SAMSN1: variants seen among roughly 807,000 people sequenced by gnomAD.
SAMSN1 encodes the protein SAM domain, SH3 domain and nuclear localization signals 1.
In SAMSN1, 31 loss-of-function variants were observed where a neutral mutation model predicts 42.0. The observed-to-expected ratio is 0.74, with a 90% CI of 0.55 to 1.00. SAMSN1 has a LOEUF of 1.00. Among genes scored for constraint, SAMSN1 ranks in the 50% least tolerant of loss-of-function variants. The pLI is 0.00. For missense variants in SAMSN1, 464 were observed against 439.4 expected (o/e 1.06, Z -0.50); for synonymous variants, 178 against 151.9 (o/e 1.17, Z -1.26).
chr21:14,598,384 G>A (rs1030669080), intron 6 of SAMSN1: 4 of 152,134 alleles, frequency 2.6e-5, no homozygotes, highest in Non-Finnish European at 5.9e-5. Context: ...TCAGCTGAAT[G>A]CTGCCAGAGA....
chr21:14,506,595 GC>G (rs1254759183), intron 5 of SAMSN1, among the ~76,000 whole-genome samples: 1 of 152,154 alleles, frequency 6.6e-6, no homozygotes, highest in Non-Finnish European at 1.5e-5. Flanking sequence ...CCTATTCACA[GC>G]AGCATTCTAC....
At chr21:14,512,187 T>C (rs1987712814) in intron 4 of SAMSN1, among the ~76,000 whole-genome samples, 1 of 152,254 alleles carries the variant, frequency 6.6e-6, no homozygotes, top group Admixed American at 6.5e-5. Context: ...AATCTCCTAA[T>C]ATGGCTTTTT....
At chr21:14,583,632 T>C (rs1289843312), upstream of SAMSN1, 1 of 716,510 alleles carries the variant, frequency 1.4e-6, no homozygotes, top group East Asian at 2.7e-5. Flanking sequence ...TTTAACAGCT[T>C]ATTGAGTTCT....
At chr21:14,515,837 T>A (rs926381220) in intron 3 of SAMSN1, among the ~76,000 whole-genome samples, 1 of 152,134 alleles carries the variant, frequency 6.6e-6, no homozygotes, top group African/African-American at 2.4e-5. Context: ...AACAATGGAT[T>A]TGAAAAACAC....
At chr21:14,596,150 T>A (rs1439093511) in intron 6 of SAMSN1, among the ~76,000 whole-genome samples, 1 of 152,140 alleles carries the variant, frequency 6.6e-6, no homozygotes, top group African/African-American at 2.4e-5. Context: ...TAACTTCGGA[T>A]AAGGAAATGA....
At chr21:14,489,482 G>T (rs1461679270) in intron 7 of SAMSN1, among the ~76,000 whole-genome samples, 1 of 152,000 alleles carries the variant, frequency 6.6e-6, no homozygotes, top group Non-Finnish European at 1.5e-5. Context: ...TTTAATGAAA[G>T]AATTAAAACG....
At chr21:14,558,351 T>C (rs759228981) in intron 2 of SAMSN1, among the ~76,000 whole-genome samples, 2 of 151,776 alleles carry the variant, frequency 1.3e-5, no homozygotes, top group Non-Finnish European at 2.9e-5. Context: ...CAGCAAAAAT[T>C]TGGAAACACG....
At chr21:14,545,091 C>G (rs138065081) in intron 1 of SAMSN1, among the ~76,000 whole-genome samples, 1 of 152,040 alleles carries the variant, frequency 6.6e-6, no homozygotes, top group African/African-American at 2.4e-5. Context: ...ACTAAAGATG[C>G]TTGTCTATCC....
chr21:14,648,153 T>C (rs1325461417), intron 1 of SAMSN1, among the ~76,000 whole-genome samples: 1 of 151,874 alleles, frequency 6.6e-6, no homozygotes, highest in African/African-American at 2.4e-5. Context: ...TATTTTGAAA[T>C]ACATCCCATC....
intron 6 of SAMSN1, among the ~76,000 whole-genome samples, chr21:14,599,395 TG>T (rs1982367352): frequency 6.6e-6 from 1 of 152,196 alleles, no homozygotes; most frequent in African/African-American, 2.4e-5. Context: ...AGAAGGTGCC[TG>T]CTTCTCCTTA....
At chr21:14,553,129 T>A (rs1218872349) in intron 2 of SAMSN1, among the ~76,000 whole-genome samples, 1 of 152,120 alleles carries the variant, frequency 6.6e-6, no homozygotes, top group Non-Finnish European at 1.5e-5. Context: ...ATTATCTATT[T>A]ATTCCTTTTT....
At chr21:14,645,869 A>C (rs1205638018) in intron 1 of SAMSN1, among the ~76,000 whole-genome samples, 2 of 152,240 alleles carry the variant, frequency 1.3e-5, no homozygotes, top group Non-Finnish European at 2.9e-5. Flanking sequence ...CAATTGGCAC[A>C]CTGAAGAATG....
At chr21:14,529,779 T>A (rs1979123202) in intron 1 of SAMSN1, among the ~76,000 whole-genome samples, 1 of 152,204 alleles carries the variant, frequency 6.6e-6, no homozygotes, top group Non-Finnish European at 1.5e-5. Flanking sequence ...GATGTCAACT[T>A]GGAAATCTGC....
intron 2 of SAMSN1, among the ~76,000 whole-genome samples, chr21:14,624,810 A>C (rs941849800): frequency 2.0e-5 from 3 of 152,238 alleles, no homozygotes; most frequent in Non-Finnish European, 4.4e-5. Flanking sequence ...CAAAGCCGGG[A>C]AGAGACACAA....
Position 14,609,514 on chromosome 21 carries a change from T to C in SAMSN1, c.290A>G (p.Asp97Gly), listed in dbSNP as rs772958914. The C allele has an allele frequency of 4.0e-5, 29 of 717,964 alleles. 1 individual carries two copies. In the South Asian group the frequency reaches 4.3e-4, roughly 11 times the overall value. 44.5% of individuals were successfully genotyped at this position (717,964 alleles called of 1,614,324 possible). Reference sequence around the variant, plus strand: ...CTGACAGGGCCTTCTGATGTGGGAATCATTCTTATGCTTGCTGTGTTCCTG... The same window carrying C: ...CTGACAGGGCCTTCTGATGTGGGAACCATTCTTATGCTTGCTGTGTTCCTG... Residue 97 changes from aspartate to glycine, a missense_variant, in exon 5 of 16, where the codon GAT (aspartate) becomes GGT (glycine). Asp to Gly is a moderately conservative substitution (Grantham distance 94, BLOSUM62 -1). Transcript: ENST00000647101.
chr21:14,507,838 T>TA (rs61217333), intron 5 of SAMSN1, among the ~76,000 whole-genome samples: 28,716 of 142,520 alleles, frequency 0.2, 2,968 homozygotes, highest in East Asian at 0.33. Flanking sequence ...ATGGTACTGG[T>TA]AAAAAAAAAA....
chr21:14,498,014 G>A lies in SAMSN1; in HGVS notation c.919+428C>T, dbSNP rs563761819. The stretch of plus-strand genomic sequence containing the variant: ...AACATGTACAAGATGTGACTATGTG[G>A]TCATAAAATGAGTTTTCCTGTGTGC... On this transcript the variant is annotated intron_variant, in intron 7 of 7. Coordinates refer to ENST00000400566, the MANE Select transcript of SAMSN1 (RefSeq NM_022136.5). 1.0e-3 allele frequency among the ~76,000 whole-genome samples: 152 copies of A among 152,266 alleles called. 1 individual carries two copies. Among genetic ancestry groups the A allele is most frequent in the Non-Finnish European group, 1.7e-3 (115 of 68,010 alleles).
At chr21:14,546,081 C>G (rs1013642255) in intron 1 of SAMSN1, 124 bp downstream of exon 1, 1 of 774,080 alleles carries the variant, frequency 1.3e-6, no homozygotes, top group African/African-American at 1.8e-5. Flanking sequence ...TGCCATGAGG[C>G]ATTAAACCCT....
At chr21:14,623,233 A>G (rs1396964459) in intron 2 of SAMSN1, among the ~76,000 whole-genome samples, 11 of 152,234 alleles carry the variant, frequency 7.2e-5, no homozygotes. Context: ...ATAAACAGCT[A>G]ACATCATAAT....
Sources: allele counts gnomAD v4.1 joint callset (sites outside exome capture counted in the v4.1 genomes callset), GRCh38; gene constraint gnomAD v4.1.1; transcripts MANE v1.5; gene names NCBI Gene and HGNC (gene_info 2026-07-23, HGNC 2026-07-21).